Variants in MYOZ2 observed in about 807,000 individuals in gnomAD.
MYOZ2 encodes the protein myozenin-2.
Under a neutral mutation model 25.4 loss-of-function variants are expected in MYOZ2, and 19 were observed. The observed-to-expected ratio is 0.75, with a 90% CI of 0.52 to 1.10. MYOZ2 has a LOEUF of 1.10. Ranked by LOEUF, MYOZ2 falls within the 50% of genes least tolerant of loss-of-function variation. The pLI is 0.00. For missense variants in MYOZ2, 270 were observed against 317.9 expected (o/e 0.85, Z 1.15); for synonymous variants, 92 against 106.9 (o/e 0.86, Z 0.86).
intron 2 of MYOZ2, among the ~76,000 whole-genome samples, chr4:119,140,318 G>A (rs992823953): frequency 2.6e-5 from 4 of 152,134 alleles, no homozygotes; most frequent in African/African-American, 9.7e-5. Context: ...ATCTTAAACT[G>A]TAACTAATCA....
At chr4:119,160,347 G>A (rs965498619) in intron 4 of MYOZ2, among the ~76,000 whole-genome samples, 11 of 151,436 alleles carry the variant, frequency 7.3e-5, no homozygotes, top group Non-Finnish European at 1.0e-4. Flanking sequence ...ATAGGAAAGA[G>A]AGAGGACATA....
At position 119,185,827 on chromosome 4, in the gene MYOZ2, T is replaced by C. The variant is rs7661020; in HGVS notation, c.561-139T>C. ...CTCAGAGGTCACAAAATGACAGTCA[T>C]TCATAGAATATAAGTAAGCCCATAA... On this transcript the variant is annotated intron_variant, in intron 5 of 5. Coordinates refer to ENST00000307128, the MANE Select transcript of MYOZ2 (RefSeq NM_016599.5). The C allele has an allele frequency of 0.3, 221,321 of 726,368 alleles. 35,571 individuals carry two copies. Among genetic ancestry groups the C allele is most frequent in the East Asian group, 0.5 (18,463 of 37,034 alleles). 45.0% of individuals were successfully genotyped at this position (726,368 alleles called of 1,614,324 possible).
chr4:119,165,515 A>G (rs1416879907), intron 5 of MYOZ2, among the ~76,000 whole-genome samples: 3 of 152,056 alleles, frequency 2.0e-5, no homozygotes, highest in Non-Finnish European at 4.4e-5. Flanking sequence ...GTCTCAAAAA[A>G]TAATAAATAA....
At chr4:119,157,372 G>T (rs181537168) in intron 3 of MYOZ2, among the ~76,000 whole-genome samples, 7 of 152,052 alleles carry the variant, frequency 4.6e-5, no homozygotes, top group Middle Eastern at 6.8e-3. Context: ...TATTGCCATA[G>T]AATAAATCCT....
chr4:119,150,457 G>A (rs1370449664), intron 2 of MYOZ2, among the ~76,000 whole-genome samples: 1 of 148,462 alleles, frequency 6.7e-6, no homozygotes, highest in Non-Finnish European at 1.5e-5. Context: ...GGAGTGGGAG[G>A]GTAGGCATTT....
chr4:119,177,193 T>C (rs1290727036), intron 5 of MYOZ2, among the ~76,000 whole-genome samples: 1 of 152,250 alleles, frequency 6.6e-6, no homozygotes, highest in African/African-American at 2.4e-5. Flanking sequence ...TTCGCCATTA[T>C]GATCATTCCA....
At chr4:119,162,760 T>C (rs1193068410) in intron 4 of MYOZ2, among the ~76,000 whole-genome samples, 1 of 152,206 alleles carries the variant, frequency 6.6e-6, no homozygotes, top group African/African-American at 2.4e-5. Context: ...GTATAGTTGG[T>C]AACACTTTGT....
chr4:119,183,298 T>C (rs565988300), intron 5 of MYOZ2, among the ~76,000 whole-genome samples: 48 of 151,302 alleles, frequency 3.2e-4, no homozygotes, highest in South Asian at 1.7e-3. Flanking sequence ...AACTTCGGAG[T>C]GGAAAGCTTA....
At chr4:119,165,712 G>A (rs1489247147) in intron 5 of MYOZ2, among the ~76,000 whole-genome samples, 1 of 151,218 alleles carries the variant, frequency 6.6e-6, no homozygotes, top group Non-Finnish European at 1.5e-5. Context: ...CAAAATGAGA[G>A]TGTAGAAAAT....
Position 119,186,180 on chromosome 4 carries a change from C to A in MYOZ2, c.775C>A (p.Pro259Thr), listed in dbSNP as rs1160143393. ...TTEPTDDTTV[P>T]ESEDL ...CGAACCTACAGATGATACCACTGTA[C>A]CAGAATCAGAAGACCTATGAAAAGA... Residue 259 changes from proline to threonine, a missense_variant, in exon 6 of 6, where the codon CCA (proline) becomes ACA (threonine). Physicochemically the swap from Pro to Thr is conservative, Grantham distance 38 (BLOSUM62 -1). Transcript: ENST00000307128. The A allele has an allele frequency of 6.2e-7, 1 of 1,611,326 alleles. No homozygotes were observed. The highest frequency in any genetic ancestry group is 8.5e-7 in the Non-Finnish European group (1 of 1,177,664).
At chr4:119,162,137 A>G (rs942318916) in intron 4 of MYOZ2, among the ~76,000 whole-genome samples, 3 of 152,148 alleles carry the variant, frequency 2.0e-5, no homozygotes, top group Non-Finnish European at 1.5e-5. Flanking sequence ...CAAGGCTTAC[A>G]GTAGAAATTC....
intron 5 of MYOZ2, among the ~76,000 whole-genome samples, chr4:119,182,273 T>C (rs1256322562): frequency 6.6e-6 from 1 of 152,228 alleles, no homozygotes; most frequent in East Asian, 1.9e-4. Flanking sequence ...ATAAAGGATG[T>C]AATGCCTGAT....
At chr4:119,143,773 C>T (rs1029567368) in intron 2 of MYOZ2, among the ~76,000 whole-genome samples, 1 of 152,168 alleles carries the variant, frequency 6.6e-6, no homozygotes, top group Non-Finnish European at 1.5e-5. Context: ...TTGTCTTTTC[C>T]AGAATGTCAA....
At chr4:119,185,569 C>A (rs1742274181) in intron 5 of MYOZ2, among the ~76,000 whole-genome samples, 2 of 152,204 alleles carry the variant, frequency 1.3e-5, no homozygotes, top group Admixed American at 1.3e-4. Context: ...CCTGCCTCGG[C>A]CTCCCAAAGT....
At chr4:119,155,893 A>G (rs1013022237) in intron 3 of MYOZ2, among the ~76,000 whole-genome samples, 2 of 152,134 alleles carry the variant, frequency 1.3e-5, no homozygotes, top group Admixed American at 6.6e-5. Context: ...ATGGCATTTT[A>G]AAAAATGTCA....
intron 2 of MYOZ2, 100 bp from the exon 3 acceptor site, chr4:119,150,772 A>T: frequency 8.4e-7 from 1 of 1,194,120 alleles, no homozygotes; most frequent in Non-Finnish European, 1.2e-6. Context: ...ACTTATGATT[A>T]TGCAATTAGA....
At chr4:119,177,721 A>G (rs1411790798) in intron 5 of MYOZ2, among the ~76,000 whole-genome samples, 2 of 152,146 alleles carry the variant, frequency 1.3e-5, no homozygotes, top group Non-Finnish European at 2.9e-5. Flanking sequence ...CCTTGTTCCT[A>G]AAGTCAGCCT....
At position 119,135,891 on chromosome 4, in the gene MYOZ2, T is replaced by A. The variant is rs1453092374; in HGVS notation, c.-106T>A. The A allele has an allele frequency of 1.3e-5, 2 of 156,906 alleles. No homozygotes were observed. The highest frequency in any genetic ancestry group is 4.8e-5 in the African/African-American group (2 of 41,478). 9.7% of individuals were successfully genotyped at this position (156,906 alleles called of 1,614,324 possible). A position where few individuals can be genotyped will look rare whatever the true frequency, so the allele number is the denominator to read the frequency against. ...GTCCCAGGTTCAAGGATAAAAACCA[T>A]CAGGCCCAAGTGCCATCCATAGTCC... On this transcript the variant is annotated 5_prime_UTR_variant, in exon 1 of 6. Transcript: ENST00000307128.
At chr4:119,138,479 G>A (rs1298914671) in intron 2 of MYOZ2, among the ~76,000 whole-genome samples, 1 of 152,076 alleles carries the variant, frequency 6.6e-6, no homozygotes. Context: ...TTTTTTCTCA[G>A]GATGCATAAT....
Sources: gnomAD v4.1 joint callset for allele counts (sites outside exome capture counted in the v4.1 genomes callset) on GRCh38, gnomAD v4.1.1 for gene constraint, MANE v1.5 for transcripts, NCBI Gene and HGNC (gene_info 2026-07-23, HGNC 2026-07-21) for gene names.